Variants in GFM2 observed in about 807,000 individuals in gnomAD.
GFM2 encodes GTP dependent ribosome recycling factor mitochondrial 2.
GFM2 carries 72 observed loss-of-function variants against 95.4 expected under a neutral mutation model. The ratio of observed to expected loss-of-function variants is 0.76; its 90% CI spans 0.62 to 0.92. The LOEUF is 0.92. Among genes scored for constraint, GFM2 ranks in the 40% least tolerant of loss-of-function variants. The probability of loss-of-function intolerance (pLI) is 0.00; values close to 1 mark genes in which losing one functional copy is unlikely to be tolerated. For synonymous variants in GFM2, 276 were observed against 317.5 expected (o/e 0.87, Z 1.39); for missense variants, 825 against 924.1 (o/e 0.89, Z 1.39).
intron 4 of GFM2, among the ~76,000 whole-genome samples, 200 bp downstream of exon 4, chr5:74,759,169 T>C (rs932658707): frequency 2.0e-5 from 3 of 152,038 alleles, no homozygotes; most frequent in African/African-American, 7.3e-5. Flanking sequence ...ATATTCATTC[T>C]AGAAAAGTGT....
chr5:74,755,028 G>A (rs1203620356), intron 5 of GFM2, among the ~76,000 whole-genome samples: 1 of 152,114 alleles, frequency 6.6e-6, no homozygotes, highest in African/African-American at 2.4e-5. Context: ...CCCGGGAGGT[G>A]GAGGTTGCAA....
intron 17 of GFM2, among the ~76,000 whole-genome samples, chr5:74,727,860 CAT>C (rs1750219418): frequency 6.6e-6 from 1 of 152,100 alleles, no homozygotes; most frequent in Non-Finnish European, 1.5e-5. Flanking sequence ...TAACATCTAT[CAT>C]GTCAAAAAAC....
intron 8 of GFM2, among the ~76,000 whole-genome samples, chr5:74,746,771 T>C (rs1415682995): frequency 1.3e-5 from 2 of 152,036 alleles, no homozygotes; most frequent in African/African-American, 4.8e-5. Context: ...CCATTGCCAA[T>C]GGCACTGCCT....
intron 19 of GFM2, 181 bp from the exon 20 acceptor site, chr5:74,722,742 G>T (rs1009077400): frequency 1.7e-5 from 9 of 536,230 alleles, no homozygotes; most frequent in Non-Finnish European, 2.6e-5. Context: ...AGAATTTATA[G>T]ATCTTTTGTA....
intron 1 of GFM2, among the ~76,000 whole-genome samples, chr5:74,765,668 A>G (rs1054071227): frequency 2.0e-5 from 3 of 152,144 alleles, no homozygotes; most frequent in Non-Finnish European, 4.4e-5. Context: ...TTTAAAGAGA[A>G]TGATGAGATC....
chr5:74,742,445 C>T (rs1375165129), intron 10 of GFM2, among the ~76,000 whole-genome samples: 2 of 152,112 alleles, frequency 1.3e-5, no homozygotes, highest in African/African-American at 4.8e-5. Context: ...GCCTTAGTAA[C>T]TCACAAAGAT....
chr5:74,740,781 T>C (rs993036369), intron 11 of GFM2, among the ~76,000 whole-genome samples: 1 of 152,008 alleles, frequency 6.6e-6, no homozygotes, highest in Non-Finnish European at 1.5e-5. Flanking sequence ...AAAGAAAAAA[T>C]ACTTTTTTTC....
intron 16 of GFM2, among the ~76,000 whole-genome samples, chr5:74,732,279 T>C (rs1184887082): frequency 2.6e-5 from 4 of 152,034 alleles, no homozygotes; most frequent in African/African-American, 9.7e-5. Flanking sequence ...AAAACATTTC[T>C]GTTTTAATTA....
At chr5:74,748,926 A>AT (rs1561253880) in intron 7 of GFM2, among the ~76,000 whole-genome samples, 1 of 136,272 alleles carries the variant, frequency 7.3e-6, no homozygotes, top group African/African-American at 2.9e-5. Context: ...ATAAAAAAAA[A>AT]TAAAAAAAAT....
chr5:74,759,957 T>C (rs1744193582), intron 3 of GFM2, among the ~76,000 whole-genome samples: 1 of 152,144 alleles, frequency 6.6e-6, no homozygotes. Context: ...ATAGAAGCTA[T>C]AACAATTTAA....
In GFM2 at chr5:74,766,177, G is replaced by A. The variant is rs557984962; in HGVS notation, c.-25+761C>T. Among the ~76,000 whole-genome samples the A allele has an allele frequency of 3.9e-5, 6 of 152,272 alleles. No homozygotes were observed. The East Asian group carries it at 1.2e-3, about 29-fold the overall frequency. On this transcript the variant is annotated intron_variant, in intron 1 of 20. Coordinates refer to ENST00000296805, the MANE Select transcript of GFM2 (RefSeq NM_032380.5). The stretch of plus-strand genomic sequence containing the variant: ...AAAAATCAGCCAGGCTTCGTGGCGC[G>A]AGCCTGTAGCTCGCTACTTTTGAGG...
chr5:74,753,545 C>T (rs553729963), intron 5 of GFM2, among the ~76,000 whole-genome samples: 30 of 152,060 alleles, frequency 2.0e-4, no homozygotes, highest in Admixed American at 1.4e-3. Flanking sequence ...TGCAGTGAGC[C>T]GAGATTGTAC....
At chr5:74,734,355 A>G (rs1206462913) in intron 15 of GFM2, among the ~76,000 whole-genome samples, 1 of 152,142 alleles carries the variant, frequency 6.6e-6, no homozygotes, top group African/African-American at 2.4e-5. Flanking sequence ...TGATGTGGCT[A>G]TAAGAAAATT....
chr5:74,753,654 T>C (rs1294075882), intron 5 of GFM2, among the ~76,000 whole-genome samples: 1 of 151,868 alleles, frequency 6.6e-6, no homozygotes, highest in Non-Finnish European at 1.5e-5. Context: ...TAACCCAACC[T>C]GACAAACACA....
chr5:74,732,400 C>T (rs903192287), intron 16 of GFM2, among the ~76,000 whole-genome samples: 1 of 152,162 alleles, frequency 6.6e-6, no homozygotes, highest in Non-Finnish European at 1.5e-5. Flanking sequence ...ATCAGTTTAT[C>T]CTTTTTAAAG....
At chr5:74,735,240 T>C (rs956757834) in intron 15 of GFM2, among the ~76,000 whole-genome samples, 3 of 152,212 alleles carry the variant, frequency 2.0e-5, no homozygotes, top group Non-Finnish European at 4.4e-5. Flanking sequence ...TTAACTTAAA[T>C]GCTATTCCTT....
In GFM2 at chr5:74,733,060, GATC is replaced by G. The variant is rs1462430113; in HGVS notation, c.1546_1548del (p.Asp516del). On this transcript the variant is annotated inframe_deletion, in exon 16 of 21. Transcript: ENST00000296805. ...GGATCTAGCCTCACTTTCAAACTGG[GATC>G]TTCACGCTGAAGACATTTCAACGCA... The G allele has an allele frequency of 6.2e-7, 1 of 1,612,566 alleles. No individual in the cohort carries two copies. Among genetic ancestry groups the G allele is most frequent in the Non-Finnish European group, 8.5e-7 (1 of 1,179,056 alleles).
chr5:74,738,999 G>C (rs115655426), intron 12 of GFM2, among the ~76,000 whole-genome samples: 2,219 of 152,046 alleles, frequency 0.015, 12 homozygotes, highest in Admixed American at 0.022. Context: ...CTGCTTTTAC[G>C]CTCTCCTTCC....
At chr5:74,742,389 C>A (rs994561886) in intron 10 of GFM2, among the ~76,000 whole-genome samples, 12 of 152,076 alleles carry the variant, frequency 7.9e-5, no homozygotes, top group African/African-American at 2.9e-4. Context: ...ATGGTTCCAC[C>A]ACTTACCCAC....
Sources: allele counts gnomAD v4.1 joint callset (sites outside exome capture counted in the v4.1 genomes callset), GRCh38; gene constraint gnomAD v4.1.1; transcripts MANE v1.5; gene names NCBI Gene and HGNC (gene_info 2026-07-23, HGNC 2026-07-21).